The following PCLO variants were observed in gnomAD, a reference collection of about 807,000 sequenced individuals.
PCLO encodes the protein protein piccolo.
Under a neutral mutation model 427.5 loss-of-function variants are expected in PCLO, and 82 were observed. That is an observed-to-expected ratio of 0.19 (90% CI 0.16 to 0.23). The LOEUF is 0.23. Ranked by LOEUF, PCLO falls within the 10% of genes least tolerant of loss-of-function variation. The pLI, the probability that PCLO is intolerant of heterozygous loss-of-function variation, is 1.00. For missense variants in PCLO, 6,239 were observed against 6,115.9 expected, an observed-to-expected ratio of 1.02 and a Z score of -0.67; for synonymous variants, 2,357 against 2,155.4, an observed-to-expected ratio of 1.09 and a Z score of -2.59.
intron 9 of PCLO, among the ~76,000 whole-genome samples, chr7:82,898,360 C>A (rs986906083): frequency 6.6e-6 from 1 of 151,448 alleles, no homozygotes; most frequent in East Asian, 1.9e-4. Flanking sequence ...TGGTAAAAAA[C>A]AAACCAAACA....
intron 6 of PCLO, among the ~76,000 whole-genome samples, chr7:82,930,873 T>C (rs897903078): frequency 1.3e-5 from 2 of 152,158 alleles, no homozygotes; most frequent in Non-Finnish European, 2.9e-5. Flanking sequence ...TATTGATAAC[T>C]TGTAGATTCA....
chr7:83,118,496 T>C (rs936243184), intron 3 of PCLO, among the ~76,000 whole-genome samples: 4 of 143,636 alleles, frequency 2.8e-5, no homozygotes, highest in African/African-American at 7.5e-5. Flanking sequence ...TCCCACCCCA[T>C]CCCCCAGCAG....
intron 3 of PCLO, among the ~76,000 whole-genome samples, chr7:83,047,709 A>G (rs1043215509): frequency 3.9e-5 from 6 of 152,256 alleles, no homozygotes; most frequent in African/African-American, 1.4e-4. Flanking sequence ...ATCAATCCAC[A>G]AAAATCCTTT....
chr7:82,866,236 T>C (rs1361676234), intron 10 of PCLO, among the ~76,000 whole-genome samples: 1 of 152,076 alleles, frequency 6.6e-6, no homozygotes, highest in Admixed American at 6.6e-5. Flanking sequence ...TCTTACCACC[T>C]CACCTCAAAT....
intron 3 of PCLO, among the ~76,000 whole-genome samples, chr7:83,070,351 G>C (rs1789780040): frequency 6.6e-6 from 1 of 151,860 alleles, no homozygotes; most frequent in African/African-American, 2.4e-5. Flanking sequence ...TCAATAACTG[G>C]GGAAAGTAAT....
chr7:82,821,351 C>T (rs1399588018), intron 20 of PCLO: 1 of 985,910 alleles, frequency 1.0e-6, no homozygotes, highest in Non-Finnish European at 1.2e-6. Context: ...ATGGAACCAG[C>T]TTAAATGTTA....
intron 3 of PCLO, among the ~76,000 whole-genome samples, chr7:83,039,734 A>G (rs1368806121): frequency 6.6e-6 from 1 of 152,156 alleles, no homozygotes; most frequent in African/African-American, 2.4e-5. Flanking sequence ...CTACAAAATA[A>G]CCAGCTTAAA....
In PCLO at chr7:82,879,370, C is replaced by T; in HGVS notation, c.13621G>A (p.Gly4541Arg). 2 of 1,612,582 alleles carry T rather than the reference C, an allele frequency of 1.2e-6. No homozygotes were observed. Among genetic ancestry groups the T allele is most frequent in the East Asian group, 2.2e-5 (1 of 44,700 alleles). ...AGCTTCCCCGTCTGTTCCGCACTTCCCCCAGGAAGAATCTTGGCAATATAG... is the reference window on the plus strand; with the variant it reads ...AGCTTCCCCGTCTGTTCCGCACTTCTCCCAGGAAGAATCTTGGCAATATAG... The part of the protein sequence containing the change: ...GAYIAKILPG[G>R]SAEQTGKLME... Residue 4541 changes from glycine to arginine, a missense_variant, in exon 10 of 25, where the codon GGA (glycine) becomes AGA (arginine). This residue lies in a region of PCLO where 877 missense variants were observed against 925.5 expected (regional missense o/e 0.95). Coordinates refer to ENST00000333891, the MANE Select transcript of PCLO (RefSeq NM_033026.6).
At chr7:83,160,517 G>A (rs1792408681) in intron 1 of PCLO, among the ~76,000 whole-genome samples, 1 of 151,886 alleles carries the variant, frequency 6.6e-6, no homozygotes, top group Admixed American at 6.6e-5. Flanking sequence ...TCAGTAAAAT[G>A]TAAGAGTAAG....
intron 9 of PCLO, among the ~76,000 whole-genome samples, chr7:82,902,363 G>A (rs1390899219): frequency 1.3e-5 from 2 of 151,924 alleles, no homozygotes; most frequent in Non-Finnish European, 2.9e-5. Context: ...ACTCACAGAT[G>A]GGAATTGAAC....
intron 16 of PCLO, 35 bp downstream of exon 16, chr7:82,835,632 A>C: frequency 6.3e-7 from 1 of 1,579,052 alleles, no homozygotes; most frequent in Non-Finnish European, 8.7e-7. Flanking sequence ...AAGACATAGC[A>C]GCAGAGCTTG....
chr7:83,138,930 C>T lies in PCLO; in HGVS notation c.1894-3274G>A, dbSNP rs556139225. Among the ~76,000 whole-genome samples the T allele has an allele frequency of 5.9e-5, 9 of 151,948 alleles. No homozygotes were observed. The East Asian group carries it at 1.6e-3, about 26-fold the overall frequency. ...CCATGGCACGTGTATATCTATGTAACACACCTGCACGTTCTGCACATGTAT... is the reference window on the plus strand; with the variant it reads ...CCATGGCACGTGTATATCTATGTAATACACCTGCACGTTCTGCACATGTAT... On this transcript the variant is annotated intron_variant, in intron 2 of 24. Coordinates refer to ENST00000333891, the MANE Select transcript of PCLO (RefSeq NM_033026.6).
At chr7:82,869,538 C>T (rs1486564896) in intron 10 of PCLO, among the ~76,000 whole-genome samples, 4 of 151,992 alleles carry the variant, frequency 2.6e-5, no homozygotes, top group Admixed American at 1.3e-4. Context: ...CCGAGAGCAT[C>T]CTGACAAACG....
chr7:82,916,408 G>C lies in PCLO; in HGVS notation c.11578C>G (p.Pro3860Ala), dbSNP rs1794464164. 6.2e-7 allele frequency: 1 copy of C among 1,613,720 alleles called. No individual in the cohort carries two copies. The highest frequency in any genetic ancestry group is 8.5e-7 in the Non-Finnish European group (1 of 1,179,754). The change falls in exon 7 of 25, where the codon CCC (proline) becomes GCC (alanine). Residue 3860 changes from proline (P) to alanine (A), a missense_variant. By Grantham distance (27) the Pro-to-Ala change is conservative (BLOSUM62 -1). This residue lies in a region of PCLO where 680 missense variants were observed against 677.3 expected (regional missense o/e 1.00). Coordinates refer to ENST00000333891, the MANE Select transcript of PCLO (RefSeq NM_033026.6). ...ATAAACTGGCTGAATTCAGTTTGGG[G>C]AGCAGTTCTTGGTCGCTCAATGCCA... ...QHGIERPRTAPQTEFSQFIPP... is the reference protein window; with the variant it reads ...QHGIERPRTAAQTEFSQFIPP...
chr7:83,033,226 T>C (rs1788715012), intron 3 of PCLO, among the ~76,000 whole-genome samples: 1 of 152,156 alleles, frequency 6.6e-6, no homozygotes, highest in Non-Finnish European at 1.5e-5. Flanking sequence ...AGTGTAGAAA[T>C]GGACTAATAG....
chr7:82,934,863 G>A (rs1249957276), intron 6 of PCLO, among the ~76,000 whole-genome samples: 1 of 151,244 alleles, frequency 6.6e-6, no homozygotes, highest in Non-Finnish European at 1.5e-5. Context: ...ATTCATAAAT[G>A]GTAGATATTA....
intron 3 of PCLO, among the ~76,000 whole-genome samples, chr7:83,093,490 A>ATTTTTT (rs1339244676): frequency 2.4e-3 from 158 of 65,854 alleles, no homozygotes; most frequent in African/African-American, 9.6e-3. Context: ...ATATATATAT[A>ATTTTTT]TATTTTTTTT....
chr7:83,074,063 T>C (rs982606427), intron 3 of PCLO, among the ~76,000 whole-genome samples: 1 of 152,050 alleles, frequency 6.6e-6, no homozygotes, highest in Admixed American at 6.6e-5. Context: ...CTTATCTTTC[T>C]AGTATATGTC....
intron 3 of PCLO, among the ~76,000 whole-genome samples, chr7:83,048,511 C>T (rs10214969): frequency 0.024 from 3,705 of 152,044 alleles, 153 homozygotes; most frequent in African/African-American, 0.085. Flanking sequence ...CCCAGGTCAC[C>T]CAGAAATCAA....
Sources: gnomAD v4.1 joint callset for allele counts (sites outside exome capture counted in the v4.1 genomes callset) on GRCh38, gnomAD v4.1.1 for gene constraint, gnomAD v4.1.1 regional missense constraint, MANE v1.5 for transcripts, NCBI Gene and HGNC (gene_info 2026-07-23, HGNC 2026-07-21) for gene names.